The following DNAH14 variants were observed in gnomAD, a reference collection of about 807,000 sequenced individuals.
DNAH14 encodes the protein axonemal beta dynein heavy chain 14.
DNAH14 carries 478 observed loss-of-function variants against 520.9 expected under a neutral mutation model. That is an observed-to-expected ratio of 0.92 (90% CI 0.85 to 0.99). The LOEUF is 0.99. Ranked by LOEUF, DNAH14 falls within the 50% of genes least tolerant of loss-of-function variation. The probability of loss-of-function intolerance (pLI) is 0.00; values close to 1 mark genes in which losing one functional copy is unlikely to be tolerated. For synonymous variants in DNAH14, 1,581 were observed against 1,757.2 expected (o/e 0.90, Z 2.51); for missense variants, 4,831 against 5,234.5 (o/e 0.92, Z 2.38).
chr1:225,387,681 C>T (rs548170089), intron 81 of DNAH14, among the ~76,000 whole-genome samples: 18 of 152,168 alleles, frequency 1.2e-4, no homozygotes, highest in African/African-American at 2.9e-4. Flanking sequence ...TAATGAGCGC[C>T]GTCAAAAGCT....
At chr1:225,159,141 G>A (rs117864270) in intron 34 of DNAH14, among the ~76,000 whole-genome samples, 173 bp from the exon 35 acceptor site, 2,559 of 152,246 alleles carry the variant, frequency 0.017, 61 homozygotes, top group East Asian at 0.053. Flanking sequence ...GCCTATTTCT[G>A]GAGCTGGGGA....
At chr1:225,144,678 A>C in intron 29 of DNAH14, 50 bp downstream of exon 29, 1 of 1,426,852 alleles carries the variant, frequency 7.0e-7, no homozygotes, top group Non-Finnish European at 9.5e-7. Flanking sequence ...TTTCTGTCAC[A>C]CAAACTTTGA....
At chr1:225,371,857 A>G (rs1187202884) in intron 77 of DNAH14, among the ~76,000 whole-genome samples, 2 of 152,196 alleles carry the variant, frequency 1.3e-5, no homozygotes, top group Non-Finnish European at 2.9e-5. Flanking sequence ...CAAGAAACAT[A>G]TGGGTCCTAA....
At chr1:225,171,852 A>T (rs1377207708) in intron 36 of DNAH14, among the ~76,000 whole-genome samples, 1 of 151,482 alleles carries the variant, frequency 6.6e-6, no homozygotes, top group Non-Finnish European at 1.5e-5. Flanking sequence ...ATGAACATCG[A>T]TGCAAAAATC....
chr1:224,971,278 T>C (rs1403109356), intron 7 of DNAH14, among the ~76,000 whole-genome samples: 3 of 152,190 alleles, frequency 2.0e-5, no homozygotes, highest in Non-Finnish European at 4.4e-5. Context: ...TTTTTGTCCA[T>C]TGGGGACTAG....
Position 225,117,787 on chromosome 1 carries a change from A to G in DNAH14, c.3971A>G (p.Gln1324Arg). ...GATAGCAGAAATCCTGAGTCTGTACAGGTAATAACATCTTTCTCTGCTCAG... is the reference window on the plus strand; with the variant it reads ...GATAGCAGAAATCCTGAGTCTGTACGGGTAATAACATCTTTCTCTGCTCAG... ...LADSRNPESV[Q>R]PHLVKCFENI... The change falls in exon 24 of 86, where the codon CAG (glutamine) becomes CGG (arginine). Residue 1324 changes from glutamine to arginine, a missense_variant and splice_region_variant. Gln to Arg is a conservative substitution (Grantham distance 43). Coordinates refer to ENST00000682510, the MANE Select transcript of DNAH14 (RefSeq NM_001367479.1). The G allele has an allele frequency of 1.9e-6, 3 of 1,545,512 alleles. No individual in the cohort carries two copies. Among genetic ancestry groups the G allele is most frequent in the South Asian group, 2.4e-5 (2 of 83,658 alleles).
chr1:225,270,762 G>C lies in DNAH14; in HGVS notation c.7567G>C (p.Ala2523Pro). ...TATTCAAGATCTGTCTATAGTTGCAGCTTGTGTTCCAGTTGTGAATGATAT... is the reference window on the plus strand; with the variant it reads ...TATTCAAGATCTGTCTATAGTTGCACCTTGTGTTCCAGTTGTGAATGATAT... Reference protein sequence around the residue: ...KNIQDLSIVAACVPVVNDISP... With the variant: ...KNIQDLSIVAPCVPVVNDISP... Residue 2523 changes from alanine (A) to proline (P), a missense_variant, in exon 50 of 86, where the codon GCT (alanine) becomes CCT (proline). By Grantham distance (27) the Ala-to-Pro change is conservative. Coordinates refer to ENST00000682510, the MANE Select transcript of DNAH14 (RefSeq NM_001367479.1). 2 of 1,551,262 alleles carry C rather than the reference G, an allele frequency of 1.3e-6. No individual in the cohort carries two copies. Among genetic ancestry groups the C allele is most frequent in the Non-Finnish European group, 1.7e-6 (2 of 1,146,774 alleles).
chr1:225,145,190 A>G, intron 29 of DNAH14, 136 bp from the exon 30 acceptor site: 2 of 609,018 alleles, frequency 3.3e-6, no homozygotes, highest in South Asian at 5.5e-5. Context: ...GTGAATCTCT[A>G]AATTTGATTT....
chr1:225,152,035 C>A lies in DNAH14; in HGVS notation c.4971C>A (p.Ile1657=). ...RFVLEGKEIR[I]NMSCAVFITM... ...TACTGGAAGGAAAAGAAATTCGTAT[C>A]AATATGTCTTGTGCGGTATTTATCA... The change falls in exon 32 of 86, where the codon ATC becomes ATA. Residue 1657 remains isoleucine (I), a synonymous_variant. Transcript: ENST00000682510. 1 of 1,551,518 alleles carries A rather than the reference C, an allele frequency of 6.4e-7. No individual in the cohort carries two copies. Among genetic ancestry groups the A allele is most frequent in the South Asian group, 1.2e-5 (1 of 84,018 alleles).
At chr1:225,199,853 A>G (rs916426952) in intron 38 of DNAH14, among the ~76,000 whole-genome samples, 6 of 152,198 alleles carry the variant, frequency 3.9e-5, no homozygotes, top group African/African-American at 1.4e-4. Flanking sequence ...TGTTAAGTCC[A>G]TTTATTACAG....
intron 54 of DNAH14, among the ~76,000 whole-genome samples, chr1:225,286,484 G>A (rs962171632): frequency 6.6e-5 from 10 of 152,056 alleles, no homozygotes; most frequent in African/African-American, 1.9e-4. Context: ...CATATGAAAA[G>A]GTGCTCAATA....
At chr1:225,167,025 G>A (rs959682728) in intron 35 of DNAH14, among the ~76,000 whole-genome samples, 3 of 152,162 alleles carry the variant, frequency 2.0e-5, no homozygotes, top group Non-Finnish European at 4.4e-5. Flanking sequence ...CTTATATTCA[G>A]GTAGGTATCT....
At chr1:225,195,067 A>G (rs149862324) in intron 38 of DNAH14, among the ~76,000 whole-genome samples, 1 of 152,298 alleles carries the variant, frequency 6.6e-6, no homozygotes, top group East Asian at 1.9e-4. Flanking sequence ...GGGAATGTAA[A>G]TTAGTTCAGC....
At chr1:225,350,816 A>C (rs1320567036) in intron 71 of DNAH14, among the ~76,000 whole-genome samples, 1 of 152,178 alleles carries the variant, frequency 6.6e-6, no homozygotes, top group Non-Finnish European at 1.5e-5. Flanking sequence ...CAAATATTTA[A>C]AAATTAACAT....
At chr1:224,963,190 A>G (rs1039939043) in intron 4 of DNAH14, among the ~76,000 whole-genome samples, 7 of 152,046 alleles carry the variant, frequency 4.6e-5, no homozygotes, top group African/African-American at 9.7e-5. Flanking sequence ...CTAGCCTGTT[A>G]TGTAGGTTAT....
intron 15 of DNAH14, among the ~76,000 whole-genome samples, chr1:225,047,240 G>T (rs1053029964): frequency 2.0e-5 from 3 of 152,040 alleles, no homozygotes; most frequent in African/African-American, 7.2e-5. Context: ...ATACCTCAGG[G>T]TTCATTCTAG....
chr1:225,135,468 G>A (rs2078868382), intron 27 of DNAH14, among the ~76,000 whole-genome samples: 1 of 152,178 alleles, frequency 6.6e-6, no homozygotes, highest in Non-Finnish European at 1.5e-5. Context: ...ATGGTTTTGA[G>A]TGGATTTCTT....
intron 9 of DNAH14, 141 bp downstream of exon 9, chr1:225,003,068 C>T: frequency 1.3e-6 from 1 of 778,146 alleles, no homozygotes; most frequent in Non-Finnish European, 1.9e-6. Flanking sequence ...AAAATATCTG[C>T]AAAGAATGTG....
At chr1:225,254,119 A>C (rs760931330) in intron 44 of DNAH14, among the ~76,000 whole-genome samples, 2 of 152,084 alleles carry the variant, frequency 1.3e-5, no homozygotes, top group African/African-American at 2.4e-5. Flanking sequence ...ACCTAAAGCA[A>C]CCACCAAGAA....
Sources: allele counts gnomAD v4.1 joint callset (sites outside exome capture counted in the v4.1 genomes callset), GRCh38; gene constraint gnomAD v4.1.1; transcripts MANE v1.5; gene names NCBI Gene and HGNC (gene_info 2026-07-23, HGNC 2026-07-21).